Variants in DSP observed in about 807,000 individuals in gnomAD.
The protein encoded by DSP is 250/210 kDa paraneoplastic pemphigus antigen.
Under a neutral mutation model 290.6 loss-of-function variants are expected in DSP, and 114 were observed. That is an observed-to-expected ratio of 0.39 (90% confidence interval 0.34 to 0.46). The LOEUF (loss-of-function observed/expected upper bound fraction) is 0.46, where lower values mean the gene tolerates loss of function less well. Among genes scored for constraint, DSP ranks in the 20% least tolerant of loss-of-function variants. The pLI is 0.99. For missense variants in DSP, 3,230 were observed against 3,495.8 expected, an observed-to-expected ratio of 0.92 and a Z score of 1.92; for synonymous variants, 1,311 against 1,316.4, an observed-to-expected ratio of 1.00 and a Z score of 0.09.
In DSP at chr6:7,584,851, T is replaced by G; in HGVS notation, c.7589T>G (p.Ile2530Ser). The change falls in exon 24 of 24, where the codon ATT becomes AGT. Residue 2530 changes from isoleucine to serine, a missense_variant. Physicochemically the swap from Ile to Ser is moderately radical, Grantham distance 142 (BLOSUM62 -2). This residue lies in a region of DSP where 582 missense variants were observed against 555.4 expected (regional missense o/e 1.05). Transcript: ENST00000379802. This position sits in a 1 kb window ranked among gnomAD's most constrained non-coding sequence, Gnocchi z 6.4. ...VDRKTGSQYD[I>S]QDAIDKGLVD... ...AGAAAGACAGGCAGTCAGTATGATATTCAAGATGCTATTGACAAGGGCCTT... is the reference window on the plus strand; with the variant it reads ...AGAAAGACAGGCAGTCAGTATGATAGTCAAGATGCTATTGACAAGGGCCTT... 1.2e-6 allele frequency: 2 copies of G among 1,614,194 alleles called. No homozygotes were observed. The highest frequency in any genetic ancestry group is 1.7e-6 in the Non-Finnish European group (2 of 1,180,032).
intron 15 of DSP, among the ~76,000 whole-genome samples, chr6:7,572,520 C>T (rs1267413480): frequency 3.3e-5 from 5 of 152,190 alleles, no homozygotes; most frequent in South Asian, 2.1e-4. Flanking sequence ...GCACACTGCA[C>T]TGGAAGGCCT....
At position 7,541,933 on chromosome 6, in the gene DSP, C is replaced by T; in HGVS notation, c.18C>T (p.Gly6=). MSCNG[G]SHPRINTLGR... ...CCGCCGACATGAGCTGCAACGGAGG[C>T]TCCCACCCGCGGATCAACACTCTGG... The change falls in exon 1 of 24, where the codon GGC becomes GGT. Residue 6 remains glycine, a synonymous_variant. Transcript: ENST00000379802. 1 of 1,608,560 alleles carries T rather than the reference C, an allele frequency of 6.2e-7. No individual in the cohort carries two copies. Among genetic ancestry groups the T allele is most frequent in the Non-Finnish European group, 8.5e-7 (1 of 1,178,484 alleles).
Position 7,584,732 on chromosome 6 carries a change from T to C in DSP, c.7470T>C (p.Tyr2490=), listed in dbSNP as rs372896350. The change falls in exon 24 of 24, where the codon TAT becomes TAC. Residue 2490 remains tyrosine (Y), a synonymous_variant. Transcript: ENST00000379802. The surrounding 1 kb of genome is among the most constrained non-coding windows in gnomAD (Gnocchi z 6.4). ...CCTACAAGAAGGGCCTAATTGATTATGAAACCTTCAAAGAACTGTGTGAGC... is the reference window on the plus strand; with the variant it reads ...CCTACAAGAAGGGCCTAATTGATTACGAAACCTTCAAAGAACTGTGTGAGC... The part of the protein sequence containing the change: ...QEAYKKGLID[Y]ETFKELCEQE... The C allele has an allele frequency of 1.1e-5, 17 of 1,614,100 alleles. No individual in the cohort carries two copies. Among genetic ancestry groups the C allele is most frequent in the Non-Finnish European group, 1.4e-5 (16 of 1,180,050 alleles).
chr6:7,576,347 A>C lies in DSP; in HGVS notation c.2684A>C (p.Tyr895Ser), dbSNP rs367752002. Residue 895 changes from tyrosine to serine, a missense_variant, in exon 19 of 24, where the codon TAT (tyrosine) becomes TCT (serine). Transcript: ENST00000379802. ...CAATTGAGGAATTATCGTGATAACT[A>C]TCAGGCTTTCTGCAAGTGGCTCTAT... Reference protein sequence around the residue: ...IKQLRNYRDNYQAFCKWLYDA... With the variant: ...IKQLRNYRDNSQAFCKWLYDA... 6.2e-7 allele frequency: 1 copy of C among 1,614,150 alleles called. No homozygotes were observed. The highest frequency in any genetic ancestry group is 1.1e-5 in the South Asian group (1 of 91,082).
chr6:7,571,094 G>C (rs2806233), intron 13 of DSP, among the ~76,000 whole-genome samples: 1 of 151,992 alleles, frequency 6.6e-6, no homozygotes, highest in East Asian at 1.9e-4. Flanking sequence ...TTTTCTCTTT[G>C]TAGTTGGAGC....
rs569659784 is a variant in DSP at position 7,556,926 on chromosome 6, G to A, written c.273+1106G>A. On this transcript the variant is annotated intron_variant, in intron 2 of 23. Transcript: ENST00000379802. The stretch of plus-strand genomic sequence containing the variant: ...TAATAGTGAACATACACACACACAC[G>A]TCATTTGTAGTGACTATGGATACGT... Among the ~76,000 whole-genome samples the A allele has an allele frequency of 5.3e-5, 8 of 152,086 alleles. No homozygotes were observed. In the South Asian group the frequency reaches 1.0e-3, roughly 20 times the overall value.
Position 7,585,499 on chromosome 6 carries a change from G to C in DSP, c.8237G>C (p.Ser2746Thr). ...GACCCGGAAGTGCATGGGAGGATAAGCACCGAAGAAGCCATCCGGAAGGGG... is the reference window on the plus strand; with the variant it reads ...GACCCGGAAGTGCATGGGAGGATAACCACCGAAGAAGCCATCCGGAAGGGG... ...LVDPEVHGRI[S>T]TEEAIRKGFI... The change falls in exon 24 of 24, where the codon AGC (serine) becomes ACC (threonine). Residue 2746 changes from serine to threonine, a missense_variant. Transcript: ENST00000379802. 1 of 1,614,198 alleles carries C rather than the reference G, an allele frequency of 6.2e-7. No homozygotes were observed.
intron 1 of DSP, among the ~76,000 whole-genome samples, chr6:7,553,941 A>C (rs2744371): frequency 0.25 from 38,675 of 152,254 alleles, 5,262 homozygotes; most frequent in African/African-American, 0.34. Context: ...TGGCCAAAAA[A>C]GAAATGCTTT....
At chr6:7,560,525 T>C (rs553138564) in intron 4 of DSP, among the ~76,000 whole-genome samples, 77 of 152,240 alleles carry the variant, frequency 5.1e-4, no homozygotes, top group Non-Finnish European at 1.0e-3. Flanking sequence ...ATTTTATATG[T>C]AGTGCCACCC....
rs538133547 is a variant in DSP, at chr6:7,552,233, C to T, written c.171-3485C>T. Among the ~76,000 whole-genome samples the T allele has an allele frequency of 3.9e-5, 6 of 152,184 alleles. No homozygotes were observed. The East Asian group carries it at 1.2e-3, about 29-fold the overall frequency. The stretch of plus-strand genomic sequence containing the variant: ...TTAATTTATTTACTAAGATGCTGTG[C>T]AAAACATGTAAGTTTTTTAGTGGAT... On this transcript the variant is annotated intron_variant, in intron 1 of 23. Transcript: ENST00000379802.
intron 14 of DSP, 127 bp downstream of exon 14, chr6:7,571,711 A>G (rs1222181885): frequency 6.7e-7 from 1 of 1,502,606 alleles, no homozygotes; most frequent in African/African-American, 1.4e-5. Flanking sequence ...TTCGTGCACT[A>G]AATTTTCAGA....
chr6:7,548,193 G>A (rs532040681), intron 1 of DSP, among the ~76,000 whole-genome samples: 1 of 152,140 alleles, frequency 6.6e-6, no homozygotes, highest in East Asian at 1.9e-4. Flanking sequence ...CTTGAACCCG[G>A]GAGGCAGAGG....
Position 7,585,116 on chromosome 6 carries a change from C to T in DSP, c.7854C>T (p.Pro2618=). Reference sequence around the variant, plus strand: ...CAGACACCCTGGAAGAATCGAGCCCCATTGCAGCCATCTTTGACACAGAAA... The same window carrying T: ...CAGACACCCTGGAAGAATCGAGCCCTATTGCAGCCATCTTTGACACAGAAA... ...SFSDTLEESS[P]IAAIFDTENL... Residue 2618 remains proline, a synonymous_variant, in exon 24 of 24, where the codon CCC becomes CCT. Coordinates refer to ENST00000379802, the MANE Select transcript of DSP (RefSeq NM_004415.4). 1 of 1,614,162 alleles carries T rather than the reference C, an allele frequency of 6.2e-7. No homozygotes were observed. Among genetic ancestry groups the T allele is most frequent in the Non-Finnish European group, 8.5e-7 (1 of 1,180,036 alleles).
intron 3 of DSP, among the ~76,000 whole-genome samples, chr6:7,558,657 G>GC (rs1296570447): frequency 6.6e-6 from 1 of 151,962 alleles, no homozygotes; most frequent in Admixed American, 6.6e-5. Flanking sequence ...TGGGCTATCG[G>GC]CATGTGCCAT....
intron 20 of DSP, among the ~76,000 whole-genome samples, chr6:7,577,565 G>T (rs935739267): frequency 6.6e-6 from 1 of 152,084 alleles, no homozygotes; most frequent in Non-Finnish European, 1.5e-5. Flanking sequence ...CGATCTCAGG[G>T]GATCTGCCCG....
rs771984464 is a variant in DSP, at chr6:7,581,577, C to T, written c.5379+8C>T. 6 of 1,612,292 alleles carry T rather than the reference C, an allele frequency of 3.7e-6. No individual in the cohort carries two copies. The highest frequency in any genetic ancestry group is 5.1e-6 in the Non-Finnish European group (6 of 1,180,032). On this transcript the variant is annotated splice_region_variant and intron_variant, in intron 23 of 23. Coordinates refer to ENST00000379802, the MANE Select transcript of DSP (RefSeq NM_004415.4). ...CAAAAGCAGGCTTTAGAGGTATTCA[C>T]AAATACTTGATCACAGCTTCACTGT...
intron 16 of DSP, 93 bp downstream of exon 16, chr6:7,574,345 T>G: frequency 7.6e-7 from 1 of 1,315,712 alleles, no homozygotes; most frequent in Non-Finnish European, 1.1e-6. Flanking sequence ...TTACAGTTTC[T>G]CTGTTACTAG....
chr6:7,572,230 T>C (rs1581806814), intron 15 of DSP, among the ~76,000 whole-genome samples, 162 bp downstream of exon 15: 1 of 152,228 alleles, frequency 6.6e-6, no homozygotes, highest in South Asian at 2.1e-4. Context: ...TCCAAATTTG[T>C]AGACGGTTAT....
rs1356943828 is a variant in DSP at position 7,579,894 on chromosome 6, T to C, written c.3704T>C (p.Leu1235Pro). Residue 1235 changes from leucine (L) to proline (P), a missense_variant, in exon 23 of 24, where the codon CTT becomes CCT. This residue lies in a region of DSP where 1,714 missense variants were observed against 1,844.5 expected (regional missense o/e 0.93). Transcript: ENST00000379802. The surrounding 1 kb of genome is among the most constrained non-coding windows in gnomAD (Gnocchi z 4.1). ...CAAAAAGAGGATGATTCCAAAAATC[T>C]TAGAAACCAGCTTGATAGACTTTCA... ...SMQKEDDSKN[L>P]RNQLDRLSRE... is the part of the protein sequence containing the mutation. The C allele has an allele frequency of 1.9e-6, 3 of 1,614,106 alleles. No homozygotes were observed. The highest frequency in any genetic ancestry group is 2.5e-6 in the Non-Finnish European group (3 of 1,180,032).
Sources: gnomAD v4.1 joint callset for allele counts (sites outside exome capture counted in the v4.1 genomes callset) on GRCh38, gnomAD v4.1.1 for gene constraint, gnomAD v4.1.1 regional missense constraint, Gnocchi (gnomAD v3.1) non-coding constraint, MANE v1.5 for transcripts, NCBI Gene and HGNC (gene_info 2026-07-23, HGNC 2026-07-21) for gene names.